The following SLC20A2 variants were observed in gnomAD, a reference collection of about 807,000 sequenced individuals.
SLC20A2 encodes solute carrier family 20 member 2, also known as sodium-dependent phosphate transporter 2.
In SLC20A2, 30 loss-of-function variants were observed where a neutral mutation model predicts 61.0. The ratio of observed to expected loss-of-function variants is 0.49; its 90% CI spans 0.37 to 0.67. The LOEUF is 0.67. Among genes scored for constraint, SLC20A2 ranks in the 30% least tolerant of loss-of-function variants. The pLI, the probability that SLC20A2 is intolerant of heterozygous loss-of-function variation, is 0.00. For missense variants in SLC20A2, 626 were observed against 866.4 expected, an observed-to-expected ratio of 0.72 and a Z score of 3.48; for synonymous variants, 351 against 353.3, an observed-to-expected ratio of 0.99 and a Z score of 0.07.
rs1178149492 is a variant in SLC20A2 at position 42,476,923 on chromosome 8, A to G, written c.-264-4269T>C. Among the ~76,000 whole-genome samples the G allele has an allele frequency of 2.0e-5, 3 of 152,118 alleles. No individual in the cohort carries two copies. The East Asian group carries it at 5.8e-4, about 29-fold the overall frequency. ...CTGGCTATGCAACCCTGGGCAAGTC[A>G]CCTCAATGACTCACCTGAACCGTGG... On this transcript the variant is annotated intron_variant, in intron 1 of 10. Transcript: ENST00000520262.
In SLC20A2 at chr8:42,508,376, ACGGAGTCT is replaced by A. The variant is rs1023400793; in HGVS notation, c.-265+33437_-265+33444del. ...TTTTTGTTTGTTTGTTTGTTTTGAG[ACGGAGTCT>A]CGGAGTCTCGCTCTGTTTGTTTTGA... On this transcript the variant is annotated intron_variant, in intron 1 of 10. Transcript: ENST00000342228. 4.0e-5 allele frequency among the ~76,000 whole-genome samples: 6 copies of A among 149,274 alleles called. No individual in the cohort carries two copies. The East Asian group carries it at 9.8e-4, about 24-fold the overall frequency.
chr8:42,437,125 G>T lies in SLC20A2; in HGVS notation c.1387C>A (p.Pro463Thr). ...GCAGGGTCCTCTCGCGGCTGGTCAGGGTCGGCCAGCTCCGACGCCAGCTTC... is the reference window on the plus strand; with the variant it reads ...GCAGGGTCCTCTCGCGGCTGGTCAGTGTCGGCCAGCTCCGACGCCAGCTTC... Reference protein sequence around the residue: ...EMKLASELADPDQPREDPAEE... With the variant: ...EMKLASELADTDQPREDPAEE... The change falls in exon 8 of 11, where the codon CCT (proline) becomes ACT (threonine). Residue 463 changes from proline (P) to threonine (T), a missense_variant. By Grantham distance (38) the Pro-to-Thr change is conservative. Around this residue, in one of 3 missense-constraint regions of SLC20A2, gnomAD observed 361 missense variants for 422.3 expected, o/e 0.85. Coordinates refer to ENST00000520262, the MANE Select transcript of SLC20A2 (RefSeq NM_001257180.2). The surrounding 1 kb of genome is among the most constrained non-coding windows in gnomAD (Gnocchi z 6.4). 2.5e-6 allele frequency: 4 copies of T among 1,613,740 alleles called. No homozygotes were observed. The highest frequency in any genetic ancestry group is 3.4e-6 in the Non-Finnish European group (4 of 1,180,040).
intron 1 of SLC20A2, among the ~76,000 whole-genome samples, chr8:42,523,059 G>A (rs1811687765): frequency 6.6e-6 from 1 of 152,130 alleles, no homozygotes; most frequent in African/African-American, 2.4e-5. Context: ...GAGGCCAGGT[G>A]TGGTGGCTCA....
chr8:42,487,041 A>AT (rs1340712982), intron 1 of SLC20A2, among the ~76,000 whole-genome samples: 1 of 149,918 alleles, frequency 6.7e-6, no homozygotes, highest in African/African-American at 2.5e-5. Context: ...TAATTTTTGT[A>AT]TTTTTTAGAA....
intron 1 of SLC20A2, chr8:42,484,863 C>A: frequency 2.7e-6 from 1 of 371,082 alleles, no homozygotes; most frequent in South Asian, 2.2e-5. Context: ...GCTTGCTGGT[C>A]TACACGCAGC....
At chr8:42,507,638 C>A (rs572415511) in intron 1 of SLC20A2, among the ~76,000 whole-genome samples, 2 of 152,306 alleles carry the variant, frequency 1.3e-5, no homozygotes, top group South Asian at 2.1e-4. Context: ...CATCAGGAAA[C>A]TCCCAAGCAT....
chr8:42,444,002 G>A (rs903324657), intron 6 of SLC20A2, among the ~76,000 whole-genome samples: 4 of 152,134 alleles, frequency 2.6e-5, no homozygotes, highest in East Asian at 1.9e-4. Context: ...GTCGTCCATC[G>A]CATGAATTTA....
In SLC20A2 at chr8:42,444,676, C is replaced by A; in HGVS notation, c.700G>T (p.Val234Leu). Residue 234 changes from valine to leucine, a missense_variant, in exon 6 of 11, where the codon GTG (valine) becomes TTG (leucine). Coordinates refer to ENST00000520262, the MANE Select transcript of SLC20A2 (RefSeq NM_001257180.2). ...ATTTTCCTCCGCATCCACGGACACACGAAGAGCCACACAAAAAAAGCGAAC... is the reference window on the plus strand; with the variant it reads ...ATTTTCCTCCGCATCCACGGACACAAGAAGAGCCACACAAAAAAAGCGAAC... ...LLFAFFVWLF[V>L]CPWMRRKITG... 6.2e-7 allele frequency: 1 copy of A among 1,613,724 alleles called. No homozygotes were observed.
intron 1 of SLC20A2, among the ~76,000 whole-genome samples, chr8:42,493,248 G>T (rs962117495): frequency 6.6e-6 from 1 of 152,236 alleles, no homozygotes; most frequent in African/African-American, 2.4e-5. Context: ...CACCAAAACA[G>T]TTACCCACAA....
intron 1 of SLC20A2, among the ~76,000 whole-genome samples, chr8:42,533,278 G>A (rs140876383): frequency 2.7e-4 from 41 of 152,140 alleles, no homozygotes; most frequent in African/African-American, 7.9e-4. Context: ...ATGCACTTAC[G>A]GCAAGTGCTC....
chr8:42,457,381 C>G (rs954853054), intron 5 of SLC20A2, among the ~76,000 whole-genome samples: 11 of 152,196 alleles, frequency 7.2e-5, no homozygotes, highest in Non-Finnish European at 1.5e-4. Context: ...ATCAATCTAA[C>G]TTTGCTTCCT....
intron 1 of SLC20A2, among the ~76,000 whole-genome samples, chr8:42,498,038 G>A (rs986205403): frequency 1.3e-5 from 2 of 152,118 alleles, no homozygotes; most frequent in Non-Finnish European, 1.5e-5. Context: ...CCAGTGCAGG[G>A]TTAAGTAACT....
chr8:42,452,835 T>G (rs1456348163), intron 5 of SLC20A2, among the ~76,000 whole-genome samples: 1 of 152,022 alleles, frequency 6.6e-6, no homozygotes, highest in Non-Finnish European at 1.5e-5. Context: ...GGAATTCCTT[T>G]GCTGGTGGAA....
At chr8:42,426,693 AAAAACAAAAC>A (rs141880455) in intron 10 of SLC20A2, among the ~76,000 whole-genome samples, 36,208 of 151,648 alleles carry the variant, frequency 0.24, 5,379 homozygotes, top group South Asian at 0.42. Context: ...ACTCCATCTC[AAAAACAAAAC>A]AAAACAAAAC....
chr8:42,425,325 T>A (rs1433201838), intron 10 of SLC20A2, among the ~76,000 whole-genome samples: 1 of 152,196 alleles, frequency 6.6e-6, no homozygotes, highest in Admixed American at 6.5e-5. Flanking sequence ...AGATTCACAG[T>A]CTCACTTACA....
intron 1 of SLC20A2, among the ~76,000 whole-genome samples, chr8:42,483,326 G>T (rs1382246465): frequency 1.3e-5 from 2 of 152,178 alleles, no homozygotes; most frequent in Non-Finnish European, 2.9e-5. Context: ...AGGCGAGATC[G>T]TGCCATTGCA....
chr8:42,499,133 C>T (rs931064709), intron 1 of SLC20A2, among the ~76,000 whole-genome samples: 1 of 152,146 alleles, frequency 6.6e-6, no homozygotes, highest in African/African-American at 2.4e-5. Context: ...CGGTCACCTG[C>T]GGCGTGGGAA....
In SLC20A2 at chr8:42,472,510, T is replaced by G. The variant is rs1432017734; in HGVS notation, c.-120A>C. 2 of 896,294 alleles carry G rather than the reference T, an allele frequency of 2.2e-6. No homozygotes were observed. Among genetic ancestry groups the G allele is most frequent in the African/African-American group, 3.4e-5 (2 of 59,474 alleles). The allele number at this position is 896,294 out of a possible 1,614,324, so 55.5% of individuals were successfully genotyped here. ...TAAACAGTGAGTTTGCTCTGGAAAG[T>G]GCTGGACAATGTTAGAGGCTGGACA... is the stretch of plus-strand genomic sequence containing the variant. On this transcript the variant is annotated 5_prime_UTR_variant, in exon 2 of 11. Transcript: ENST00000520262. This position sits in a 1 kb window ranked among gnomAD's most constrained non-coding sequence, Gnocchi z 4.1.
At chr8:42,449,599 T>C (rs1176989400) in intron 5 of SLC20A2, among the ~76,000 whole-genome samples, 1 of 152,228 alleles carries the variant, frequency 6.6e-6, no homozygotes, top group African/African-American at 2.4e-5. Context: ...AGTTTCCTTA[T>C]ATCATGACCC....
Sources: gnomAD v4.1 joint callset for allele counts (sites outside exome capture counted in the v4.1 genomes callset) on GRCh38, gnomAD v4.1.1 for gene constraint, gnomAD v4.1.1 regional missense constraint, Gnocchi (gnomAD v3.1) non-coding constraint, MANE v1.5 for transcripts, NCBI Gene and HGNC (gene_info 2026-07-23, HGNC 2026-07-21) for gene names.